CLXN: variants seen among roughly 807,000 people sequenced by gnomAD.
CLXN encodes the protein EF-hand calcium binding domain 1.
chr8:48,722,755 G>A, the CLXN span, among the ~76,000 whole-genome samples: 3 of 96,974 alleles, frequency 3.1e-5, no homozygotes, highest in African/African-American at 8.7e-5. Context: ...TAGTGTCCCT[G>A]TCTCCCCATT....
the CLXN span, among the ~76,000 whole-genome samples, chr8:48,727,666 G>A: frequency 6.6e-6 from 1 of 152,156 alleles, no homozygotes; most frequent in Non-Finnish European, 1.5e-5. Flanking sequence ...ATGGCCCACT[G>A]GGTCCACTTC....
the CLXN span, chr8:48,711,266 G>A: frequency 3.2e-4 from 48 of 152,132 alleles, no homozygotes; most frequent in African/African-American, 1.1e-3. Flanking sequence ...GACATCATCC[G>A]AGACGGCCCA....
chr8:48,711,308 G>A, the CLXN span: 2 of 152,236 alleles, frequency 1.3e-5, no homozygotes, highest in East Asian at 1.9e-4. Flanking sequence ...TCTAGTTGAG[G>A]AGTCTGGCTT....
chr8:48,719,975 G>A, the CLXN span, among the ~76,000 whole-genome samples: 4 of 152,190 alleles, frequency 2.6e-5, no homozygotes, highest in Admixed American at 6.5e-5. Flanking sequence ...TGGAGGGACC[G>A]GCTGGAGCTG....
At chr8:48,726,902 T>TATCTATCC in the CLXN span, among the ~76,000 whole-genome samples, 3 of 136,420 alleles carry the variant, frequency 2.2e-5, no homozygotes, top group South Asian at 2.3e-4. Context: ...TCTATCTATC[T>TATCTATCC]ATCCACCCAC....
At chr8:48,722,765 T>TACACAC in the CLXN span, among the ~76,000 whole-genome samples, 5 of 149,360 alleles carry the variant, frequency 3.3e-5, no homozygotes, top group East Asian at 2.0e-4. Context: ...GTCTCCCCAT[T>TACACAC]ACACACACAC....
the CLXN span, among the ~76,000 whole-genome samples, chr8:48,725,509 A>C: frequency 6.6e-6 from 1 of 152,128 alleles, no homozygotes. Context: ...GAATCTTTTA[A>C]AATTCTAATG....
the CLXN span, among the ~76,000 whole-genome samples, chr8:48,713,123 T>C: frequency 6.6e-6 from 1 of 152,144 alleles, no homozygotes; most frequent in Non-Finnish European, 1.5e-5. Flanking sequence ...CAACTTAGAC[T>C]GGAAAACACT....
the CLXN span, among the ~76,000 whole-genome samples, chr8:48,732,971 ATGGGTAGAGTTTCCAC>A: frequency 6.6e-6 from 1 of 152,172 alleles, no homozygotes; most frequent in Non-Finnish European, 1.5e-5. Flanking sequence ...TTAACATTTA[ATGGGTAGAGTTTCCAC>A]TGGGAACAAT....
At chr8:48,714,321 T>A in the CLXN span, among the ~76,000 whole-genome samples, 1 of 152,186 alleles carries the variant, frequency 6.6e-6, no homozygotes, top group Admixed American at 6.5e-5. Context: ...AGAGAATCCA[T>A]CAATCTAGAT....
the CLXN span, chr8:48,724,643 C>G: frequency 1.1e-6 from 1 of 928,376 alleles, no homozygotes; most frequent in Non-Finnish European, 1.6e-6. Context: ...CCCTGAAACA[C>G]ACAATTCAAC....
the CLXN span, chr8:48,731,592 G>C: frequency 9.4e-7 from 1 of 1,069,500 alleles, no homozygotes; most frequent in Non-Finnish European, 1.3e-6. Flanking sequence ...GACAAACAAC[G>C]TCAAAGACAT....
the CLXN span, among the ~76,000 whole-genome samples, chr8:48,726,531 A>T: frequency 7.3e-6 from 1 of 136,510 alleles, no homozygotes; most frequent in Non-Finnish European, 1.6e-5. Context: ...CCATCCATCC[A>T]CCCATCTATC....
the CLXN span, among the ~76,000 whole-genome samples, chr8:48,716,978 C>A: frequency 6.6e-6 from 1 of 152,006 alleles, no homozygotes; most frequent in East Asian, 1.9e-4. Flanking sequence ...CCAGGCTGAC[C>A]AATATGGAGA....
chr8:48,717,833 A>T, the CLXN span, among the ~76,000 whole-genome samples: 1 of 152,214 alleles, frequency 6.6e-6, no homozygotes, highest in Non-Finnish European at 1.5e-5. Context: ...AAGATATTTT[A>T]TGCAAGCCTT....
chr8:48,713,826 A>AT, the CLXN span: 1 of 152,178 alleles, frequency 6.6e-6, no homozygotes, highest in Non-Finnish European at 1.5e-5. Flanking sequence ...GCAGGTTAAG[A>AT]ATGCAGGACT....
At chr8:48,711,088 A>C in the CLXN span, 1 of 152,210 alleles carries the variant, frequency 6.6e-6, no homozygotes, top group Non-Finnish European at 1.5e-5. Context: ...CCTGGGCTGC[A>C]GGTCAAATCT....
chr8:48,735,194 C>T, the CLXN span: 2 of 1,610,488 alleles, frequency 1.2e-6, no homozygotes, highest in Non-Finnish European at 1.7e-6. Flanking sequence ...GGTCTCTGGG[C>T]GCGCGGCTAC....
the CLXN span, among the ~76,000 whole-genome samples, chr8:48,725,421 G>C: frequency 1.3e-5 from 2 of 152,212 alleles, no homozygotes; most frequent in Admixed American, 1.3e-4. Flanking sequence ...TAATAAGTGT[G>C]AAATTAAGGT....
Sources: allele counts gnomAD v4.1 joint callset (sites outside exome capture counted in the v4.1 genomes callset), GRCh38; gene constraint gnomAD v4.1.1; transcripts MANE v1.5; gene names NCBI Gene and HGNC (gene_info 2026-07-23, HGNC 2026-07-21).